SMC4: variants seen among roughly 807,000 people sequenced by gnomAD.
SMC4 encodes structural maintenance of chromosomes protein 4.
SMC4 carries 87 observed loss-of-function variants against 145.6 expected under a neutral mutation model. The observed-to-expected ratio is 0.60, with a 90% CI of 0.50 to 0.71. SMC4 has a LOEUF of 0.71. SMC4 is among the 30% of genes least tolerant of loss of function. SMC4 has a pLI of 0.00. For missense variants in SMC4, 1,447 were observed against 1,537.1 expected, an observed-to-expected ratio of 0.94 and a Z score of 0.98; for synonymous variants, 558 against 500.7, an observed-to-expected ratio of 1.11 and a Z score of -1.53.
intron 7 of SMC4, chr3:160,412,765 C>A (rs1430779420): frequency 2.3e-6 from 2 of 872,460 alleles, no homozygotes; most frequent in Non-Finnish European, 2.8e-6. Flanking sequence ...CCTGTCATCC[C>A]GTTGATCACC....
In SMC4 at chr3:160,419,548, A is replaced by G; in HGVS notation, c.1857+5A>G. ...CCAGGAATATATGGAAGATTGGTAA[A>G]GTAGATTTTTGGGGGGCATGGCTTT... On this transcript the variant is annotated splice_donor_5th_base_variant and intron_variant, in intron 12 of 23. Transcript: ENST00000357388. 1 of 1,580,414 alleles carries G rather than the reference A, an allele frequency of 6.3e-7. No individual in the cohort carries two copies. Among genetic ancestry groups the G allele is most frequent in the Non-Finnish European group, 8.5e-7 (1 of 1,171,358 alleles).
At position 160,434,546 on chromosome 3, in the gene SMC4, C is replaced by G. The variant is rs1412825101; in HGVS notation, c.*737C>G. ...ATGCATTTCAACTTGATAGTTTCAA[C>G]TTATGATAGGTTTACCAGGATGTAG... On this transcript the variant is annotated 3_prime_UTR_variant, in exon 24 of 24. Coordinates refer to ENST00000357388, the MANE Select transcript of SMC4 (RefSeq NM_001002800.3). 1.3e-5 allele frequency: 2 copies of G among 152,190 alleles called. No homozygotes were observed. The highest frequency in any genetic ancestry group is 4.8e-5 in the African/African-American group (2 of 41,450). The allele number at this position is 152,190 out of a possible 1,614,324, so 9.4% of individuals were successfully genotyped here.
intron 4 of SMC4, among the ~76,000 whole-genome samples, chr3:160,403,177 T>G (rs192843548): frequency 1.4e-4 from 22 of 152,318 alleles, no homozygotes; most frequent in Admixed American, 4.6e-4. Context: ...TTTTTAAAGT[T>G]ATATTTTGAT....
intron 5 of SMC4, among the ~76,000 whole-genome samples, chr3:160,405,595 A>G (rs1190994069): frequency 6.6e-6 from 1 of 152,042 alleles, no homozygotes; most frequent in East Asian, 1.9e-4. Context: ...ATAGTATACA[A>G]GGTAAATCAG....
At chr3:160,413,962 C>T in intron 8 of SMC4, 1 of 316,966 alleles carries the variant, frequency 3.2e-6, no homozygotes, top group East Asian at 1.0e-4. Flanking sequence ...TTTATCATGT[C>T]CCTACTTGAT....
intron 5 of SMC4, among the ~76,000 whole-genome samples, chr3:160,407,566 C>T (rs999932302): frequency 2.0e-5 from 3 of 151,560 alleles, no homozygotes; most frequent in African/African-American, 7.3e-5. Context: ...AAATAATAGC[C>T]AAGTTCTTTT....
rs375186571 is a variant in SMC4 at position 160,426,204 on chromosome 3, T to A, written c.2605+4T>A. On this transcript the variant is annotated splice_donor_region_variant and intron_variant, in intron 17 of 23. Transcript: ENST00000357388. ...AACGTTAGTGCTTTCAAAACAGGTATGTTTAGAGATAGACCTTTTTTGGGG... is the reference window on the plus strand; with the variant it reads ...AACGTTAGTGCTTTCAAAACAGGTAAGTTTAGAGATAGACCTTTTTTGGGG... 1.9e-6 allele frequency: 3 copies of A among 1,586,182 alleles called. No homozygotes were observed. The East Asian group carries it at 6.7e-5, about 36-fold the overall frequency.
chr3:160,423,863 C>T (rs1229641666), intron 15 of SMC4, 23 bp downstream of exon 15: 2 of 1,566,732 alleles, frequency 1.3e-6, no homozygotes. Flanking sequence ...AAAATTGTAT[C>T]CAGACTTTTT....
At chr3:160,405,090 G>A (rs962171714) in intron 5 of SMC4, among the ~76,000 whole-genome samples, 4 of 151,868 alleles carry the variant, frequency 2.6e-5, no homozygotes, top group African/African-American at 9.7e-5. Flanking sequence ...TGACTTACTT[G>A]GTGGAACCAC....
rs1390466076 is a variant in SMC4, at chr3:160,432,331, G to GA, written c.3349dup (p.Arg1117LysfsTer5). On this transcript the variant is annotated frameshift_variant, in exon 22 of 24. Transcript: ENST00000357388. LOFTEE classifies it high-confidence loss of function. ...AGCAGAATTGGACAAAATTACTTAT[G>GA]AAAGAGACAGTTTTAGACAGGCATA... 1 of 1,612,880 alleles carries GA rather than the reference G, an allele frequency of 6.2e-7. No individual in the cohort carries two copies. Among genetic ancestry groups the GA allele is most frequent in the East Asian group, 2.2e-5 (1 of 44,844 alleles).
chr3:160,407,618 C>A (rs1295890604), intron 5 of SMC4, among the ~76,000 whole-genome samples: 1 of 150,062 alleles, frequency 6.7e-6, no homozygotes, highest in Non-Finnish European at 1.5e-5. Flanking sequence ...TTTAATTAAC[C>A]TAGGTCTGAG....
At chr3:160,430,098 TC>T (rs1163741367) in intron 18 of SMC4, among the ~76,000 whole-genome samples, 2 of 152,250 alleles carry the variant, frequency 1.3e-5, no homozygotes, top group African/African-American at 2.4e-5. Context: ...AATAGCCATT[TC>T]TTTTTTTAGA....
In SMC4 at chr3:160,423,790, A is replaced by G. The variant is rs1444862073; in HGVS notation, c.2275A>G (p.Met759Val). The change falls in exon 15 of 24, where the codon ATG (methionine) becomes GTG (valine). Residue 759 changes from methionine (M) to valine (V), a missense_variant. By Grantham distance (21) the Met-to-Val change is conservative. Coordinates refer to ENST00000357388, the MANE Select transcript of SMC4 (RefSeq NM_001002800.3). ...GTMTGGGSKV[M>V]KGRMGSSLVI... ...AATGACTGGTGGTGGAAGCAAAGTA[A>G]TGAAAGGAAGAATGGGTTCCTCACT... 1.2e-6 allele frequency: 2 copies of G among 1,613,954 alleles called. No homozygotes were observed. Among genetic ancestry groups the G allele is most frequent in the Non-Finnish European group, 1.7e-6 (2 of 1,179,924 alleles).
intron 1 of SMC4, 58 bp from the exon 2 acceptor site, chr3:160,400,764 G>T: frequency 4.9e-6 from 7 of 1,421,742 alleles, no homozygotes; most frequent in Non-Finnish European, 6.4e-6. Flanking sequence ...CCCGGGTGGG[G>T]CGGGCGCGGT....
At chr3:160,415,473 A>T (rs1716482688) in intron 9 of SMC4, among the ~76,000 whole-genome samples, 1 of 152,242 alleles carries the variant, frequency 6.6e-6, no homozygotes, top group Non-Finnish European at 1.5e-5. Flanking sequence ...CCCGCAAAAA[A>T]AAAGCTTTGT....
At chr3:160,413,398 A>T (rs1417702940) in intron 7 of SMC4, 75 bp from the exon 8 acceptor site, 1 of 1,386,542 alleles carries the variant, frequency 7.2e-7, no homozygotes, top group Non-Finnish European at 9.8e-7. Flanking sequence ...AGTTAGTTTT[A>T]CTAAAATTGT....
chr3:160,402,617 G>A lies in SMC4; in HGVS notation c.319-59G>A, dbSNP rs1714828235. On this transcript the variant is annotated intron_variant, in intron 3 of 23. Coordinates refer to ENST00000357388, the MANE Select transcript of SMC4 (RefSeq NM_001002800.3). ...AATCTAACAGTTTCAGTTAAAATCA[G>A]TAGTATTAGCATGACCTTATGAACT... 4 of 1,498,302 alleles carry A rather than the reference G, an allele frequency of 2.7e-6. No homozygotes were observed. The Admixed American group carries it at 7.4e-5, about 28-fold the overall frequency. 92.8% of individuals were successfully genotyped at this position (1,498,302 alleles called of 1,614,324 possible).
Position 160,428,950 on chromosome 3 carries a change from A to G in SMC4, c.2795+8A>G, listed in dbSNP as rs1718081808. ...AATCAAGACTGCTGACAGGTAGAGT[A>G]TGCATGTTACCCTAACTTGTTTTCC... is the stretch of plus-strand genomic sequence containing the variant. On this transcript the variant is annotated splice_region_variant and intron_variant, in intron 18 of 23. Coordinates refer to ENST00000357388, the MANE Select transcript of SMC4 (RefSeq NM_001002800.3). 6.4e-7 allele frequency: 1 copy of G among 1,568,770 alleles called. No individual in the cohort carries two copies. The highest frequency in any genetic ancestry group is 8.6e-7 in the Non-Finnish European group (1 of 1,166,804).
At position 160,402,836 on chromosome 3, in the gene SMC4, TAGA is replaced by T. The variant is rs1448972524; in HGVS notation, c.482_484del (p.Glu161del). 6.4e-7 allele frequency: 1 copy of T among 1,572,834 alleles called. No homozygotes were observed. The highest frequency in any genetic ancestry group is 8.6e-7 in the Non-Finnish European group (1 of 1,166,634). On this transcript the variant is annotated inframe_deletion, in exon 4 of 24. Transcript: ENST00000357388. ...CACAAGGACATTCAGAGTTGTACAGTAGAAGTTCATTTTCAAAAGATAATTGAT... is the reference window on the plus strand; with the variant it reads ...CACAAGGACATTCAGAGTTGTACAGTAGTTCATTTTCAAAAGATAATTGAT...
Sources: allele counts gnomAD v4.1 joint callset (sites outside exome capture counted in the v4.1 genomes callset), GRCh38; gene constraint gnomAD v4.1.1; transcripts MANE v1.5; gene names NCBI Gene and HGNC (gene_info 2026-07-23, HGNC 2026-07-21).